The following RBMS3 variants were observed in gnomAD, a reference collection of about 807,000 sequenced individuals.
The protein encoded by RBMS3 is RNA-binding motif, single-stranded-interacting protein 3.
A neutral mutation model predicts 66.8 loss-of-function variants in RBMS3; 27 were observed. That is an observed-to-expected ratio of 0.40 (90% confidence interval 0.30 to 0.56). RBMS3 has a LOEUF of 0.56. RBMS3 is among the 20% of genes least tolerant of loss of function. The probability of loss-of-function intolerance (pLI) is 0.40; values close to 1 mark genes in which losing one functional copy is unlikely to be tolerated. For missense variants in RBMS3, 513 were observed against 549.5 expected (o/e 0.93, Z 0.66); for synonymous variants, 188 against 183.0 (o/e 1.03, Z -0.22).
At chr3:29,487,873 G>A (rs2043380401) in intron 2 of RBMS3, among the ~76,000 whole-genome samples, 1 of 152,010 alleles carries the variant, frequency 6.6e-6, no homozygotes, top group African/African-American at 2.4e-5. Context: ...GGCTAAATTA[G>A]GATTTGAACC....
chr3:29,380,726 G>C (rs1255812274), intron 1 of RBMS3, among the ~76,000 whole-genome samples: 1 of 152,200 alleles, frequency 6.6e-6, no homozygotes, highest in African/African-American at 2.4e-5. Flanking sequence ...GTAGTCCACA[G>C]ATTGATGCCA....
intron 1 of RBMS3, among the ~76,000 whole-genome samples, chr3:29,352,115 A>G (rs998725609): frequency 3.9e-5 from 6 of 152,090 alleles, no homozygotes; most frequent in Admixed American, 6.6e-5. Flanking sequence ...TCTCCAAAAA[A>G]GAGTATTAAA....
rs577402689 is a variant in RBMS3 at position 29,361,229 on chromosome 3, G to T, written c.76-73514G>T. 4.3e-4 allele frequency among the ~76,000 whole-genome samples: 66 copies of T among 152,088 alleles called. No homozygotes were observed. In the South Asian group the frequency reaches 0.012, roughly 28 times the overall value. On this transcript the variant is annotated intron_variant, in intron 1 of 14. Transcript: ENST00000383767. Reference sequence around the variant, plus strand: ...TTTAGTGCTTCCTTCAGGAGCTCTTGTAGGGCAGGCCTGGTGGTGACAAAA... The same window carrying T: ...TTTAGTGCTTCCTTCAGGAGCTCTTTTAGGGCAGGCCTGGTGGTGACAAAA...
chr3:29,425,203 C>A (rs201907640), intron 1 of RBMS3, among the ~76,000 whole-genome samples: 14,173 of 107,552 alleles, frequency 0.13, 883 homozygotes, highest in East Asian at 0.34. Context: ...AAAAAAAAAC[C>A]CCCCAAAAAA....
intron 1 of RBMS3, among the ~76,000 whole-genome samples, chr3:29,336,468 A>G (rs2035954412): frequency 6.6e-6 from 1 of 151,584 alleles, no homozygotes; most frequent in Non-Finnish European, 1.5e-5. Flanking sequence ...TGAAAAAAAA[A>G]ACCATAATCA....
intron 11 of RBMS3, among the ~76,000 whole-genome samples, chr3:29,936,888 A>C (rs1455426342): frequency 2.0e-5 from 3 of 152,038 alleles, no homozygotes; most frequent in Non-Finnish European, 2.9e-5. Flanking sequence ...TAATTCCCCA[A>C]ATGTTCAAGG....
At chr3:29,745,608 CA>C (rs1170655668) in intron 5 of RBMS3, among the ~76,000 whole-genome samples, 5 of 151,898 alleles carry the variant, frequency 3.3e-5, no homozygotes, top group Non-Finnish European at 7.4e-5. Context: ...ACAGGGGGAG[CA>C]GGGGGAGCAT....
intron 6 of RBMS3, among the ~76,000 whole-genome samples, chr3:29,838,320 T>C (rs1285622226): frequency 1.3e-5 from 2 of 151,856 alleles, no homozygotes; most frequent in Admixed American, 1.3e-4. Context: ...GCCTGGGTGA[T>C]AGAGTGAGAC....
chr3:29,553,676 T>A (rs2046249802), intron 3 of RBMS3, among the ~76,000 whole-genome samples: 1 of 152,058 alleles, frequency 6.6e-6, no homozygotes, highest in African/African-American at 2.4e-5. Context: ...CAGTGTACCA[T>A]CACATGTGCA....
At chr3:29,441,266 T>C (rs1273912965) in intron 2 of RBMS3, among the ~76,000 whole-genome samples, 1 of 152,200 alleles carries the variant, frequency 6.6e-6, no homozygotes, top group Non-Finnish European at 1.5e-5. Context: ...GGGTTACGTA[T>C]ATTCATTCAG....
At chr3:29,337,610 C>T (rs892965246) in intron 1 of RBMS3, among the ~76,000 whole-genome samples, 1 of 152,022 alleles carries the variant, frequency 6.6e-6, no homozygotes, top group Admixed American at 6.6e-5. Flanking sequence ...CATGCTGCTG[C>T]AACCCAGGCT....
At chr3:29,518,518 G>A (rs1209555492) in intron 3 of RBMS3, among the ~76,000 whole-genome samples, 4 of 152,128 alleles carry the variant, frequency 2.6e-5, no homozygotes. Flanking sequence ...GTAAAAGAAG[G>A]TCATTATTAA....
chr3:29,844,902 A>ATAT (rs1324211806), intron 6 of RBMS3, among the ~76,000 whole-genome samples: 1 of 152,220 alleles, frequency 6.6e-6, no homozygotes, highest in African/African-American at 2.4e-5. Context: ...TTCTTTGTTC[A>ATAT]TATTAGAAAG....
intron 10 of RBMS3, among the ~76,000 whole-genome samples, chr3:29,905,749 A>G (rs1006557778): frequency 5.3e-5 from 8 of 152,106 alleles, no homozygotes; most frequent in African/African-American, 1.9e-4. Context: ...ATGATAGCTG[A>G]TGAGCTAAAA....
chr3:29,325,735 A>G (rs1575548079), intron 1 of RBMS3, among the ~76,000 whole-genome samples: 1 of 152,228 alleles, frequency 6.6e-6, no homozygotes, highest in East Asian at 1.9e-4. Context: ...CTTCTAGAAT[A>G]TTAGCTATCT....
intron 2 of RBMS3, among the ~76,000 whole-genome samples, chr3:29,438,814 AG>A (rs1221359681): frequency 3.3e-5 from 5 of 152,192 alleles, no homozygotes; most frequent in African/African-American, 1.2e-4. Context: ...ATTTAGATAA[AG>A]GAGAAATATT....
At chr3:29,984,364 T>C (rs1174248621) in intron 12 of RBMS3, among the ~76,000 whole-genome samples, 5 of 152,026 alleles carry the variant, frequency 3.3e-5, no homozygotes, top group Non-Finnish European at 7.4e-5. Context: ...AACATGCTCC[T>C]TTAGCTCAGA....
chr3:29,625,673 G>A (rs1226743526), intron 4 of RBMS3, among the ~76,000 whole-genome samples: 1 of 148,758 alleles, frequency 6.7e-6, no homozygotes, highest in Non-Finnish European at 1.5e-5. Flanking sequence ...ACTCCAGCCT[G>A]GGCAAAAAGA....
rs11715678 is a variant in RBMS3, at chr3:29,567,861, C to T, written c.308-19253C>T. Among the ~76,000 whole-genome samples, 814 of 152,192 alleles carry T rather than the reference C, an allele frequency of 5.3e-3. 7 individuals carry two copies. Among genetic ancestry groups the T allele is most frequent in the Non-Finnish European group, 8.7e-3 (594 of 68,010 alleles). On this transcript the variant is annotated intron_variant, in intron 3 of 14. Transcript: ENST00000383767. ...CTCATAACACTTTAAAATTGCAATT[C>T]CAAATTATTCCTGTAAAAATAGCTG...
Sources: allele counts gnomAD v4.1 joint callset (sites outside exome capture counted in the v4.1 genomes callset), GRCh38; gene constraint gnomAD v4.1.1; transcripts MANE v1.5; gene names NCBI Gene and HGNC (gene_info 2026-07-23, HGNC 2026-07-21).